ZNF81: variants seen among roughly 807,000 people sequenced by gnomAD.
ZNF81 encodes the protein zinc finger protein 81.
In ZNF81, 5 loss-of-function variants were observed where a neutral mutation model predicts 32.3. The observed-to-expected ratio is 0.15, with a 90% CI of 0.08 to 0.33. The LOEUF is 0.33. Among genes scored for constraint, ZNF81 ranks in the 10% least tolerant of loss-of-function variants. The pLI is 1.00. For missense variants in ZNF81, 379 were observed against 479.8 expected (o/e 0.79, Z 1.96); for synonymous variants, 163 against 166.8 (o/e 0.98, Z 0.17).
In ZNF81 at chrX:47,886,035, A is replaced by T. The variant is rs1220375357; in HGVS notation, c.55-1964A>T. 2.7e-5 allele frequency among the ~76,000 whole-genome samples: 3 copies of T among 112,401 alleles called. No individual in the cohort carries two copies. The Admixed American group carries it at 2.8e-4, about 11-fold the overall frequency. The stretch of plus-strand genomic sequence containing the variant: ...TTCAGATTGTATTTTTCAGTTTTTT[A>T]AAATAGTTTATATTTCTTAGTTGGC... On this transcript the variant is annotated intron_variant, in intron 2 of 4. Coordinates refer to ENST00000338637, the MANE Select transcript of ZNF81 (RefSeq NM_007137.5).
rs782653647 is a variant in ZNF81 at position 47,846,217 on chromosome X, A to G, written c.-51A>G. 3 of 1,185,385 alleles carry G rather than the reference A, an allele frequency of 2.5e-6. No individual in the cohort carries two copies. Among genetic ancestry groups the G allele is most frequent in the East Asian group, 6.0e-5 (2 of 33,329 alleles). On this transcript the variant is annotated 5_prime_UTR_variant, in exon 2 of 5. It adds an upstream start codon to the 5' untranslated region. Transcript: ENST00000338637. ...AGTCCACCGATCCCACTGGAATTAT[A>G]AAGTTGTCAGCAAGAAAGCCCCAGG...
intron 4 of ZNF81, among the ~76,000 whole-genome samples, chrX:47,911,547 A>G (rs2058739355): frequency 1.8e-5 from 2 of 111,914 alleles, no homozygotes; most frequent in African/African-American, 6.5e-5. Flanking sequence ...ATACTTACCA[A>G]TATTAACTAA....
chrX:47,866,811 A>C (rs782234586), intron 2 of ZNF81, among the ~76,000 whole-genome samples: 1 of 111,476 alleles, frequency 9.0e-6, no homozygotes, highest in South Asian at 3.8e-4. Flanking sequence ...GCGTGTGTTC[A>C]TGGCAGCACT....
Position 47,917,607 on chromosome X carries a change from C to T in ZNF81, c.*975C>T. Reference sequence around the variant, plus strand: ...GCCACCACATGGAGCAGTGGTGAGCCAGCCTTGCTGAGGCCCCTTAGACCA... The same window carrying T: ...GCCACCACATGGAGCAGTGGTGAGCTAGCCTTGCTGAGGCCCCTTAGACCA... On this transcript the variant is annotated 3_prime_UTR_variant, in exon 5 of 5. Coordinates refer to ENST00000338637, the MANE Select transcript of ZNF81 (RefSeq NM_007137.5). The T allele has an allele frequency of 4.8e-6, 1 of 209,848 alleles. No individual in the cohort carries two copies. Among genetic ancestry groups the T allele is most frequent in the Non-Finnish European group, 8.7e-6 (1 of 115,237 alleles). 17.3% of individuals were successfully genotyped at this position (209,848 alleles called of 1,213,427 possible).
At chrX:47,895,612 T>C (rs1283790040) in intron 3 of ZNF81, among the ~76,000 whole-genome samples, 1 of 111,851 alleles carries the variant, frequency 8.9e-6, no homozygotes, top group Non-Finnish European at 1.9e-5. Context: ...TACTGTGTTA[T>C]AGCAGCCTTA....
At chrX:47,846,372 A>G (rs1556880517) in intron 2 of ZNF81, 51 bp downstream of exon 2, 1 of 1,158,355 alleles carries the variant, frequency 8.6e-7, no homozygotes, top group Non-Finnish European at 1.2e-6. Flanking sequence ...CACAGCCCTG[A>G]AGGAAAGATA....
At chrX:47,839,427 C>T (rs2058437881) in intron 1 of ZNF81, among the ~76,000 whole-genome samples, 1 of 111,622 alleles carries the variant, frequency 9.0e-6, no homozygotes, top group African/African-American at 3.3e-5. Flanking sequence ...ATGCCACAAG[C>T]AAAATTTCAC....
intron 4 of ZNF81, among the ~76,000 whole-genome samples, chrX:47,901,941 T>C (rs1357553718): frequency 1.8e-5 from 2 of 112,084 alleles, no homozygotes; most frequent in African/African-American, 3.2e-5. Flanking sequence ...AAGATTACTT[T>C]AAATTTCTTT....
chrX:47,846,408 A>G, intron 2 of ZNF81, 87 bp downstream of exon 2: 1 of 1,075,525 alleles, frequency 9.3e-7, no homozygotes, highest in Non-Finnish European at 1.3e-6. Flanking sequence ...CATTTCTAGT[A>G]CTTTTTTTAG....
At chrX:47,911,731 A>G (rs1266481828) in intron 4 of ZNF81, among the ~76,000 whole-genome samples, 1 of 111,819 alleles carries the variant, frequency 8.9e-6, no homozygotes, top group Non-Finnish European at 1.9e-5. Flanking sequence ...GGAGTCTATT[A>G]CAGGGATTAG....
At position 47,876,728 on chromosome X, in the gene ZNF81, A is replaced by G. The variant is rs150696346; in HGVS notation, c.55-11271A>G. 1.9e-3 allele frequency among the ~76,000 whole-genome samples: 218 copies of G among 112,428 alleles called. 2 individuals carry two copies. The East Asian group carries it at 0.034, about 18-fold the overall frequency. On this transcript the variant is annotated intron_variant, in intron 2 of 4. Transcript: ENST00000338637. ...CACTATGTTTGAAACAGCCAGGACA[A>G]TGGGAGAAACAACTGAATTCAGTTG...
At chrX:47,868,226 T>G (rs1556883476) in intron 2 of ZNF81, among the ~76,000 whole-genome samples, 1 of 112,056 alleles carries the variant, frequency 8.9e-6, no homozygotes, top group Non-Finnish European at 1.9e-5. Context: ...AGTTTATCTC[T>G]GGGACTGGAG....
intron 3 of ZNF81, among the ~76,000 whole-genome samples, chrX:47,889,041 T>C (rs1451929203): frequency 4.5e-5 from 5 of 111,787 alleles, no homozygotes; most frequent in African/African-American, 1.6e-4. Flanking sequence ...GTGCTGCTTA[T>C]GTAAAATGTG....
rs185899221 is a variant in ZNF81, at chrX:47,902,214, C to T, written c.277+6274C>T. 5.5e-4 allele frequency among the ~76,000 whole-genome samples: 61 copies of T among 111,503 alleles called. No individual in the cohort carries two copies. The East Asian group carries it at 0.014, about 26-fold the overall frequency. ...GTATCTTCGCCAATGTACTCTCTTT[C>T]TCTGAAGTTGATAAAATTTCAATTC... On this transcript the variant is annotated intron_variant, in intron 4 of 4. Transcript: ENST00000338637.
chrX:47,879,673 G>A (rs1018116072), intron 2 of ZNF81, among the ~76,000 whole-genome samples: 1 of 112,228 alleles, frequency 8.9e-6, no homozygotes, highest in South Asian at 3.7e-4. Context: ...ATAATTTCTA[G>A]TATAACCTGC....
Position 47,915,243 on chromosome X carries a change from T to G in ZNF81, c.597T>G (p.Phe199Leu). 8.3e-7 allele frequency: 1 copy of G among 1,211,038 alleles called. No individual in the cohort carries two copies. Among genetic ancestry groups the G allele is most frequent in the East Asian group, 3.0e-5 (1 of 33,845 alleles). ...PHKRDSFGKSFKHNLDLHIHN... is the reference protein window; with the variant it reads ...PHKRDSFGKSLKHNLDLHIHN... ...AACGTGATTCATTTGGGAAGAGTTT[T>G]AAGCATAATTTAGACTTACATATTC... Residue 199 changes from phenylalanine (F) to leucine (L), a missense_variant, in exon 5 of 5, where the codon TTT (phenylalanine) becomes TTG (leucine). Phe to Leu is a conservative substitution (Grantham distance 22). This residue lies in a region of ZNF81 where 277 missense variants were observed against 306.6 expected (regional missense o/e 0.90). Coordinates refer to ENST00000338637, the MANE Select transcript of ZNF81 (RefSeq NM_007137.5).
In ZNF81 at chrX:47,915,412, A is replaced by G. The variant is rs369434690; in HGVS notation, c.766A>G (p.Ser256Gly). The change falls in exon 5 of 5, where the codon AGC (serine) becomes GGC (glycine). Residue 256 changes from serine to glycine, a missense_variant. By Grantham distance (56) the Ser-to-Gly change is moderately conservative. Around this residue, in one of 2 missense-constraint regions of ZNF81, gnomAD observed 277 missense variants for 306.6 expected, o/e 0.90. Coordinates refer to ENST00000338637, the MANE Select transcript of ZNF81 (RefSeq NM_007137.5). ...CERNQCGKVL[S>G]LKHSLSQNVK... ...ACGTAATCAATGTGGAAAAGTCCTC[A>G]GCCTCAAACACTCACTCAGTCAAAA... The G allele has an allele frequency of 6.9e-5, 83 of 1,210,035 alleles. No homozygotes were observed. Among genetic ancestry groups the G allele is most frequent in the Middle Eastern group, 2.3e-4 (1 of 4,375 alleles).
At chrX:47,867,568 G>A (rs1459054535) in intron 2 of ZNF81, among the ~76,000 whole-genome samples, 1 of 112,014 alleles carries the variant, frequency 8.9e-6, no homozygotes, top group Non-Finnish European at 1.9e-5. Context: ...ATAGTAAAAT[G>A]CAGAGCAAGC....
chrX:47,895,220 G>C (rs1195621575), intron 3 of ZNF81, among the ~76,000 whole-genome samples: 1 of 111,258 alleles, frequency 9.0e-6, no homozygotes, highest in African/African-American at 3.3e-5. Context: ...CTTTGCAGAG[G>C]TAATCAAGTT....
Sources: allele counts gnomAD v4.1 joint callset (sites outside exome capture counted in the v4.1 genomes callset), GRCh38; gene constraint gnomAD v4.1.1; regional missense constraint gnomAD v4.1.1; transcripts MANE v1.5; gene names NCBI Gene and HGNC (gene_info 2026-07-23, HGNC 2026-07-21).